The following DLC1 variants were observed in gnomAD, a reference collection of about 807,000 sequenced individuals.
DLC1 encodes the protein rho GTPase-activating protein 7.
In DLC1, 54 loss-of-function variants were observed where a neutral mutation model predicts 140.3. The observed-to-expected ratio is 0.38, with a 90% CI of 0.31 to 0.48. DLC1 has a LOEUF of 0.48. DLC1 is among the 20% of genes least tolerant of loss of function. DLC1 has a pLI of 0.96. For missense variants in DLC1, 2,536 were observed against 1,907.0 expected (o/e 1.33, Z -6.14); for synonymous variants, 986 against 728.1 (o/e 1.35, Z -5.70).
intron 1 of DLC1, among the ~76,000 whole-genome samples, chr8:13,542,240 T>A (rs574325263): frequency 1.3e-5 from 2 of 152,370 alleles, no homozygotes; most frequent in South Asian, 4.1e-4. Flanking sequence ...GTCTGTGGTA[T>A]AAAGAGCCAA....
intron 1 of DLC1, among the ~76,000 whole-genome samples, chr8:13,573,236 A>T (rs967115282): frequency 2.6e-5 from 4 of 152,138 alleles, no homozygotes; most frequent in Non-Finnish European, 5.9e-5. Flanking sequence ...TGTAAATTAA[A>T]TTTTTTTAAA....
chr8:13,466,111 A>T (rs75676777), intron 2 of DLC1, among the ~76,000 whole-genome samples: 12 of 152,150 alleles, frequency 7.9e-5, no homozygotes, highest in Non-Finnish European at 1.6e-4. Flanking sequence ...CACAGCCACA[A>T]TGTGACTCCA....
At chr8:13,567,922 G>C in intron 1 of DLC1, 1 of 1,550,492 alleles carries the variant, frequency 6.4e-7, no homozygotes, top group African/African-American at 1.4e-5. Context: ...AATCAAACCA[G>C]AGCTGGTGAT....
intron 5 of DLC1, among the ~76,000 whole-genome samples, chr8:13,254,371 C>A (rs1468258230): frequency 6.6e-6 from 1 of 152,122 alleles, no homozygotes; most frequent in Non-Finnish European, 1.5e-5. Context: ...CAAGGATGAA[C>A]TTCTGGGTTT....
At chr8:13,592,377 T>C (rs1805542344) in intron 1 of DLC1, among the ~76,000 whole-genome samples, 1 of 152,084 alleles carries the variant, frequency 6.6e-6, no homozygotes, top group African/African-American at 2.4e-5. Context: ...TTTATATTTG[T>C]CTTTTATTTG....
chr8:13,455,924 T>C (rs1799364259), intron 2 of DLC1, among the ~76,000 whole-genome samples: 1 of 152,156 alleles, frequency 6.6e-6, no homozygotes, highest in African/African-American at 2.4e-5. Context: ...AATATGGAAC[T>C]GAAACAATGT....
At chr8:13,478,310 G>C (rs1044019728) in intron 2 of DLC1, among the ~76,000 whole-genome samples, 1 of 152,078 alleles carries the variant, frequency 6.6e-6, no homozygotes, top group African/African-American at 2.4e-5. Flanking sequence ...GAACTCAGAA[G>C]AACTCACTCA....
At chr8:13,269,701 C>CAAAAAAAA (rs57030004) in intron 5 of DLC1, among the ~76,000 whole-genome samples, 14 of 99,464 alleles carry the variant, frequency 1.4e-4, no homozygotes, top group East Asian at 2.3e-4. Context: ...AAAACTCTGT[C>CAAAAAAAA]AAAAAAAAAA....
rs532009404 is a variant in DLC1, at chr8:13,277,050, C to T, written c.1348+28219G>A. Among the ~76,000 whole-genome samples, 6 of 152,308 alleles carry T rather than the reference C, an allele frequency of 3.9e-5. 1 individual carries two copies. Among genetic ancestry groups the T allele is most frequent in the African/African-American group, 1.4e-4 (6 of 41,580 alleles). ...GAAATGGAGACCTGAGAGGCCAGCACTGTGGCTCACGCCTGTTCCCAGCAC... is the reference window on the plus strand; with the variant it reads ...GAAATGGAGACCTGAGAGGCCAGCATTGTGGCTCACGCCTGTTCCCAGCAC... On this transcript the variant is annotated intron_variant, in intron 5 of 17. Coordinates refer to ENST00000276297, the MANE Select transcript of DLC1 (RefSeq NM_182643.3).
intron 5 of DLC1, among the ~76,000 whole-genome samples, chr8:13,200,859 A>C (rs1273616455): frequency 6.6e-6 from 1 of 152,078 alleles, no homozygotes; most frequent in African/African-American, 2.4e-5. Context: ...TGGCCCCCCA[A>C]ACTATTGGGG....
intron 1 of DLC1, among the ~76,000 whole-genome samples, chr8:13,585,352 C>G (rs1266088247): frequency 4.0e-5 from 6 of 151,894 alleles, no homozygotes; most frequent in Non-Finnish European, 7.4e-5. Flanking sequence ...TTGCTTGATG[C>G]TAGAAGATCA....
At chr8:13,172,202 C>T (rs1313405794) in intron 5 of DLC1, among the ~76,000 whole-genome samples, 1 of 152,186 alleles carries the variant, frequency 6.6e-6, no homozygotes. Flanking sequence ...GAGCTATCTG[C>T]TAGCCTTGTA....
At chr8:13,318,885 T>C (rs1337860458) in intron 4 of DLC1, among the ~76,000 whole-genome samples, 3 of 152,246 alleles carry the variant, frequency 2.0e-5, no homozygotes, top group East Asian at 3.9e-4. Flanking sequence ...ATAGTTTTTA[T>C]GACCACACTA....
chr8:13,233,798 G>C (rs1021926309), intron 5 of DLC1, among the ~76,000 whole-genome samples: 4 of 152,062 alleles, frequency 2.6e-5, no homozygotes, highest in African/African-American at 7.2e-5. Flanking sequence ...TCAGCTGTTT[G>C]GGTATTAAAT....
Position 13,100,644 on chromosome 8 carries a change from C to T in DLC1, c.1693G>A (p.Gly565Arg). The T allele has an allele frequency of 1.2e-6, 2 of 1,614,142 alleles. No homozygotes were observed. The highest frequency in any genetic ancestry group is 8.5e-7 in the Non-Finnish European group (1 of 1,180,010). The change falls in exon 9 of 18, where the codon GGG becomes AGG. Residue 565 changes from glycine to arginine, a missense_variant. Transcript: ENST00000276297. ...TTCGGGTGGGAGTCGTCTGGGGACC[C>T]AGGGACCAGGTCTTGTTTTGGAGAA... ...VFSPKQDLVP[G>R]SPDDSHPKDG...
chr8:13,482,158 G>C (rs1183487925), intron 2 of DLC1, among the ~76,000 whole-genome samples: 2 of 151,916 alleles, frequency 1.3e-5, no homozygotes, highest in Admixed American at 1.3e-4. Context: ...GAATACAGCA[G>C]TCAAAGAATA....
At chr8:13,563,148 A>G (rs527737515) in intron 1 of DLC1, among the ~76,000 whole-genome samples, 48 of 152,310 alleles carry the variant, frequency 3.2e-4, no homozygotes, top group African/African-American at 1.1e-3. Context: ...GTACTTCGGA[A>G]GTGTTAGGAA....
intron 5 of DLC1, among the ~76,000 whole-genome samples, chr8:13,148,691 G>C (rs1158486101): frequency 2.0e-5 from 3 of 152,090 alleles, no homozygotes; most frequent in African/African-American, 7.2e-5. Context: ...CTGTCTAAAA[G>C]CCTAACCTAA....
chr8:13,239,031 G>A (rs1829422099), intron 5 of DLC1, among the ~76,000 whole-genome samples: 1 of 152,112 alleles, frequency 6.6e-6, no homozygotes, highest in South Asian at 2.1e-4. Flanking sequence ...TGGAAGTCAG[G>A]TTCTGAATAT....
Sources: allele counts gnomAD v4.1 joint callset (sites outside exome capture counted in the v4.1 genomes callset), GRCh38; gene constraint gnomAD v4.1.1; transcripts MANE v1.5; gene names NCBI Gene and HGNC (gene_info 2026-07-23, HGNC 2026-07-21).